Variants in SPIRE1 observed in about 807,000 individuals in gnomAD.
SPIRE1 encodes spire type actin nucleation factor 1.
Under a neutral mutation model 94.1 loss-of-function variants are expected in SPIRE1, and 40 were observed. The observed-to-expected ratio is 0.43, with a 90% CI of 0.33 to 0.55. The LOEUF (loss-of-function observed/expected upper bound fraction) is 0.55. Ranked by LOEUF, SPIRE1 falls within the 20% of genes least tolerant of loss-of-function variation. The pLI is 0.06. For missense variants in SPIRE1, 838 were observed against 975.2 expected (o/e 0.86, Z 1.87); for synonymous variants, 376 against 371.7 (o/e 1.01, Z -0.13).
chr18:12,531,039 C>A (rs2034666999), intron 4 of SPIRE1, among the ~76,000 whole-genome samples: 2 of 152,266 alleles, frequency 1.3e-5, no homozygotes, highest in South Asian at 4.1e-4. Flanking sequence ...GATACTCTAT[C>A]TTTTCTCATT....
intron 2 of SPIRE1, among the ~76,000 whole-genome samples, chr18:12,554,842 T>C (rs141309583): frequency 1.2e-4 from 18 of 152,342 alleles, no homozygotes; most frequent in Admixed American, 9.8e-4. Context: ...TGAATAGACA[T>C]AGAAATTGAT....
intron 6 of SPIRE1, 103 bp downstream of exon 6, chr18:12,506,374 G>C: frequency 1.0e-6 from 1 of 980,768 alleles, no homozygotes. Context: ...GGTCAAGCTG[G>C]TCTTGAACTC....
At chr18:12,616,634 C>T (rs1258933341) in intron 2 of SPIRE1, among the ~76,000 whole-genome samples, 1 of 152,194 alleles carries the variant, frequency 6.6e-6, no homozygotes, top group Non-Finnish European at 1.5e-5. Flanking sequence ...CATTACTGTG[C>T]TTACTTACAG....
chr18:12,522,160 A>C (rs2034382420), intron 4 of SPIRE1, among the ~76,000 whole-genome samples: 1 of 152,230 alleles, frequency 6.6e-6, no homozygotes, highest in Non-Finnish European at 1.5e-5. Context: ...TTGTGAATGC[A>C]AAGGACAAGC....
At chr18:12,573,658 CAT>C (rs2036016150) in intron 2 of SPIRE1, among the ~76,000 whole-genome samples, 1 of 152,060 alleles carries the variant, frequency 6.6e-6, no homozygotes, top group African/African-American at 2.4e-5. Context: ...TAATGATGGA[CAT>C]GTGTCATCAT....
chr18:12,535,797 A>G (rs2034824334), intron 3 of SPIRE1, among the ~76,000 whole-genome samples, 196 bp from the exon 4 acceptor site: 1 of 152,140 alleles, frequency 6.6e-6, no homozygotes, highest in Admixed American at 6.6e-5. Flanking sequence ...TCTACTAAAA[A>G]TACAAAAATT....
At position 12,485,943 on chromosome 18, in the gene SPIRE1, T is replaced by C; in HGVS notation, c.1231+16A>G. ...AAAACCCACGTCAGGTGTAAAAGTG[T>C]TTTTGTTTTTTTTACCTGACAAGTC... On this transcript the variant is annotated intron_variant, in intron 9 of 16. Transcript: ENST00000409402. 1 of 1,529,464 alleles carries C rather than the reference T, an allele frequency of 6.5e-7. No homozygotes were observed. 94.7% of individuals were successfully genotyped at this position (1,529,464 alleles called of 1,614,324 possible).
rs548941029 is a variant in SPIRE1 at position 12,476,634 on chromosome 18, CAT to C, written c.1404+3063_1404+3064del. Among the ~76,000 whole-genome samples, 335 of 138,580 alleles carry C rather than the reference CAT, an allele frequency of 2.4e-3. 2 individuals are homozygous for C. The highest frequency in any genetic ancestry group is 0.014 in the South Asian group (62 of 4,358). The allele number at this position is 138,580 out of a possible 152,430, so 90.9% of individuals were successfully genotyped here. A position where few individuals can be genotyped will look rare whatever the true frequency, so the allele number is the denominator to read the frequency against. The stretch of plus-strand genomic sequence containing the variant: ...ATATATACACACACATATATATACA[CAT>C]ATATATAAAAGAATTTCAAATATAT... On this transcript the variant is annotated intron_variant, in intron 10 of 16. Coordinates refer to ENST00000409402, the MANE Select transcript of SPIRE1 (RefSeq NM_001128626.2).
chr18:12,456,965 G>A (rs1389386031), intron 12 of SPIRE1, among the ~76,000 whole-genome samples: 1 of 152,174 alleles, frequency 6.6e-6, no homozygotes, highest in African/African-American at 2.4e-5. Flanking sequence ...AGCCCCCTGA[G>A]TAGCTGGGAT....
At chr18:12,557,247 G>A (rs1038269327) in intron 2 of SPIRE1, among the ~76,000 whole-genome samples, 1 of 152,196 alleles carries the variant, frequency 6.6e-6, no homozygotes, top group Admixed American at 6.5e-5. Flanking sequence ...ACGGCAGCGG[G>A]GCAGGGACAG....
intron 2 of SPIRE1, among the ~76,000 whole-genome samples, chr18:12,550,034 T>G (rs893980688): frequency 1.3e-5 from 2 of 152,226 alleles, no homozygotes; most frequent in African/African-American, 4.8e-5. Flanking sequence ...CAGCTCCAAA[T>G]AAAACAATCA....
chr18:12,599,229 TC>T (rs1253397147), intron 2 of SPIRE1, among the ~76,000 whole-genome samples: 1 of 152,206 alleles, frequency 6.6e-6, no homozygotes, highest in African/African-American at 2.4e-5. Context: ...CCCAGGCTCA[TC>T]CATTGCATTT....
chr18:12,554,296 C>CAAAAAAAAA (rs35637714), intron 2 of SPIRE1, among the ~76,000 whole-genome samples: 1 of 56,364 alleles, frequency 1.8e-5, no homozygotes, highest in Non-Finnish European at 3.9e-5. Flanking sequence ...AGACTCTGTT[C>CAAAAAAAAA]AAAAAAAAAA....
At chr18:12,562,911 T>C (rs1433364711) in intron 2 of SPIRE1, among the ~76,000 whole-genome samples, 2 of 152,222 alleles carry the variant, frequency 1.3e-5, no homozygotes, top group Non-Finnish European at 2.9e-5. Context: ...GTTTCATGTA[T>C]ATGCTTCTTT....
At chr18:12,612,250 G>A (rs2037163153) in intron 2 of SPIRE1, among the ~76,000 whole-genome samples, 1 of 152,220 alleles carries the variant, frequency 6.6e-6, no homozygotes, top group Admixed American at 6.5e-5. Flanking sequence ...CAATTTACTT[G>A]GCTTCCTGGA....
At chr18:12,538,445 C>T (rs1359512059) in intron 3 of SPIRE1, among the ~76,000 whole-genome samples, 1 of 152,112 alleles carries the variant, frequency 6.6e-6, no homozygotes, top group African/African-American at 2.4e-5. Context: ...TACATATAAA[C>T]TTCTAAATTA....
intron 12 of SPIRE1, among the ~76,000 whole-genome samples, chr18:12,461,422 G>GTGTGTATGTATGTATATACATACATACA (rs1555680886): frequency 7.8e-6 from 1 of 127,702 alleles, no homozygotes; most frequent in African/African-American, 3.2e-5. Flanking sequence ...GTATGTGTGT[G>GTGTGTATGTATGTATATACATACATACA]TGTGTGTATG....
At position 12,577,170 on chromosome 18, in the gene SPIRE1, C is replaced by T. The variant is rs574298633; in HGVS notation, c.373-30266G>A. On this transcript the variant is annotated intron_variant, in intron 2 of 16. Transcript: ENST00000409402. The stretch of plus-strand genomic sequence containing the variant: ...TTATTATTATTTTTATTTTTTGAGA[C>T]GGAGTCTAGCTCTGTCACCCAGGCT... 2.1e-3 allele frequency among the ~76,000 whole-genome samples: 315 copies of T among 152,020 alleles called. 1 individual carries two copies. The highest frequency in any genetic ancestry group is 7.2e-3 in the African/African-American group (297 of 41,476).
At chr18:12,483,057 C>T (rs2032901020) in intron 9 of SPIRE1, among the ~76,000 whole-genome samples, 1 of 151,768 alleles carries the variant, frequency 6.6e-6, no homozygotes, top group Non-Finnish European at 1.5e-5. Context: ...CCTCCCACCT[C>T]AGCCTCCCAA....
Sources: gnomAD v4.1 joint callset for allele counts (sites outside exome capture counted in the v4.1 genomes callset) on GRCh38, gnomAD v4.1.1 for gene constraint, MANE v1.5 for transcripts, NCBI Gene and HGNC (gene_info 2026-07-23, HGNC 2026-07-21) for gene names.